The following EXOC6B variants were observed in gnomAD, a reference collection of about 807,000 sequenced individuals.
EXOC6B encodes the protein exocyst complex component 6B, also known as SEC15 homolog B.
In EXOC6B, 54 loss-of-function variants were observed where a neutral mutation model predicts 113.5. The observed-to-expected ratio is 0.48, with a 90% CI of 0.38 to 0.60. EXOC6B has a LOEUF of 0.60. Among genes scored for constraint, EXOC6B ranks in the 20% least tolerant of loss-of-function variants. The pLI is 0.00. For synonymous variants in EXOC6B, 357 were observed against 339.0 expected (o/e 1.05, Z -0.58); for missense variants, 797 against 977.5 (o/e 0.82, Z 2.46).
intron 6 of EXOC6B, among the ~76,000 whole-genome samples, chr2:72,629,334 C>T (rs1322965048): frequency 1.3e-5 from 2 of 152,160 alleles, no homozygotes; most frequent in African/African-American, 2.4e-5. Context: ...CCTCCACCTC[C>T]CCACATGCAC....
At chr2:72,426,922 C>T (rs572547389) in intron 18 of EXOC6B, among the ~76,000 whole-genome samples, 87 of 152,306 alleles carry the variant, frequency 5.7e-4, no homozygotes, top group African/African-American at 2.0e-3. Flanking sequence ...GTCACCTATG[C>T]CCCATGTCCC....
intron 18 of EXOC6B, among the ~76,000 whole-genome samples, chr2:72,419,389 G>T (rs143514085): frequency 2.0e-4 from 31 of 152,080 alleles, no homozygotes; most frequent in African/African-American, 7.5e-4. Context: ...ATTTACTGTT[G>T]CTCAGATCTT....
chr2:72,683,413 T>C (rs1676855313), intron 6 of EXOC6B, among the ~76,000 whole-genome samples: 2 of 152,172 alleles, frequency 1.3e-5, no homozygotes, highest in African/African-American at 4.8e-5. Context: ...CTTATGGACA[T>C]TAAATATGTC....
At chr2:72,467,154 T>C (rs1698107906) in intron 17 of EXOC6B, among the ~76,000 whole-genome samples, 2 of 152,224 alleles carry the variant, frequency 1.3e-5, no homozygotes, top group African/African-American at 4.8e-5. Flanking sequence ...CTGTTGCAAA[T>C]GGCAGGATTT....
At chr2:72,399,609 C>A (rs1253694639) in intron 18 of EXOC6B, among the ~76,000 whole-genome samples, 2 of 152,106 alleles carry the variant, frequency 1.3e-5, no homozygotes, top group Non-Finnish European at 2.9e-5. Flanking sequence ...GATACAAAAT[C>A]AATGTACAAA....
intron 18 of EXOC6B, among the ~76,000 whole-genome samples, chr2:72,389,772 T>C (rs936219901): frequency 1.3e-5 from 2 of 152,226 alleles, no homozygotes; most frequent in African/African-American, 2.4e-5. Flanking sequence ...ACTTTTTCTC[T>C]GTATGTACTA....
chr2:72,797,791 A>G (rs1421340608), intron 1 of EXOC6B, among the ~76,000 whole-genome samples: 1 of 152,152 alleles, frequency 6.6e-6, no homozygotes, highest in African/African-American at 2.4e-5. Context: ...AGCCTGGACA[A>G]CAAAGCGAGA....
chr2:72,419,344 A>G (rs1443193031), intron 18 of EXOC6B, among the ~76,000 whole-genome samples: 1 of 152,218 alleles, frequency 6.6e-6, no homozygotes, highest in East Asian at 1.9e-4. Flanking sequence ...ACAACTTCTC[A>G]TTACAATAAT....
Position 72,336,553 on chromosome 2 carries a change from C to T in EXOC6B, c.2123-1533G>A, listed in dbSNP as rs117510053. ...ACAATATACACAATTCTTATTTTGA[C>T]ATTTAAAATTAAAAATGCCTCATTT... On this transcript the variant is annotated intron_variant, in intron 19 of 21. Coordinates refer to ENST00000272427, the MANE Select transcript of EXOC6B (RefSeq NM_015189.3). 2.0e-5 allele frequency among the ~76,000 whole-genome samples: 3 copies of T among 152,136 alleles called. No individual in the cohort carries two copies. In the East Asian group the frequency reaches 5.8e-4, roughly 29 times the overall value.
intron 2 of EXOC6B, 129 bp from the exon 3 acceptor site, chr2:72,733,247 G>C (rs1680751362): frequency 1.5e-6 from 1 of 673,508 alleles, no homozygotes; most frequent in Admixed American, 2.6e-5. Flanking sequence ...CTACATATTG[G>C]TCCAGTGGCA....
chr2:72,717,395 T>C (rs1165008785), intron 6 of EXOC6B, among the ~76,000 whole-genome samples: 2 of 152,192 alleles, frequency 1.3e-5, no homozygotes, highest in East Asian at 3.8e-4. Context: ...ACTCTTGTAT[T>C]TGTTGCTGTA....
intron 20 of EXOC6B, among the ~76,000 whole-genome samples, chr2:72,187,911 G>A (rs545364822): frequency 8.0e-4 from 122 of 152,328 alleles, no homozygotes; most frequent in Non-Finnish European, 1.3e-3. Context: ...CGAGATTGGA[G>A]CAGCACTGAC....
intron 1 of EXOC6B, among the ~76,000 whole-genome samples, chr2:72,788,382 G>C (rs1684490699): frequency 6.6e-6 from 1 of 152,192 alleles, no homozygotes; most frequent in East Asian, 1.9e-4. Flanking sequence ...CAGCATCAGT[G>C]TTTCAATTAG....
intron 6 of EXOC6B, among the ~76,000 whole-genome samples, chr2:72,649,868 C>CAA (rs1012172497): frequency 6.8e-6 from 1 of 146,212 alleles, no homozygotes; most frequent in Admixed American, 6.8e-5. Flanking sequence ...TAAACATAAG[C>CAA]AAAAAAAAAA....
intron 17 of EXOC6B, among the ~76,000 whole-genome samples, chr2:72,470,835 A>C (rs1282172088): frequency 6.6e-6 from 1 of 152,016 alleles, no homozygotes. Context: ...CATGGTGTAT[A>C]TGTGCCAACT....
chr2:72,638,109 A>C (rs1672972471), intron 6 of EXOC6B, among the ~76,000 whole-genome samples: 1 of 152,192 alleles, frequency 6.6e-6, no homozygotes, highest in African/African-American at 2.4e-5. Context: ...ACAAATCTTT[A>C]GCCTGACTAA....
At chr2:72,396,670 G>C (rs1692745899) in intron 18 of EXOC6B, among the ~76,000 whole-genome samples, 1 of 152,010 alleles carries the variant, frequency 6.6e-6, no homozygotes, top group South Asian at 2.1e-4. Flanking sequence ...AGGATCTATA[G>C]TTTGCTACTC....
intron 1 of EXOC6B, among the ~76,000 whole-genome samples, chr2:72,768,091 T>A (rs1683198473): frequency 6.9e-6 from 1 of 144,820 alleles, no homozygotes; most frequent in Admixed American, 7.0e-5. Flanking sequence ...CACTCCAGAT[T>A]CCAGCCTGGG....
intron 18 of EXOC6B, among the ~76,000 whole-genome samples, chr2:72,413,638 A>G (rs554843992): frequency 1.3e-5 from 2 of 150,328 alleles, no homozygotes; most frequent in Non-Finnish European, 3.0e-5. Context: ...AGCTGAGATC[A>G]CTCCACTGCA....
Sources: gnomAD v4.1 joint callset for allele counts (sites outside exome capture counted in the v4.1 genomes callset) on GRCh38, gnomAD v4.1.1 for gene constraint, MANE v1.5 for transcripts, NCBI Gene and HGNC (gene_info 2026-07-23, HGNC 2026-07-21) for gene names.